The following SYTL3 variants were observed in gnomAD, a reference collection of about 807,000 sequenced individuals.
SYTL3 encodes the protein synaptotagmin-like protein 3.
SYTL3 carries 88 observed loss-of-function variants against 82.1 expected under a neutral mutation model. The ratio of observed to expected loss-of-function variants is 1.07; its 90% CI spans 0.90 to 1.28. SYTL3 has a LOEUF of 1.28. Ranked by LOEUF, SYTL3 falls within the 50% of genes most tolerant of loss-of-function variation. SYTL3 has a pLI of 0.00. For synonymous variants in SYTL3, 311 were observed against 289.4 expected (o/e 1.07, Z -0.76); for missense variants, 831 against 757.6 (o/e 1.10, Z -1.14).
At chr6:158,694,867 C>T (rs1039987039) in intron 6 of SYTL3, among the ~76,000 whole-genome samples, 3 of 152,112 alleles carry the variant, frequency 2.0e-5, no homozygotes, top group African/African-American at 4.8e-5. Context: ...CTTTAGGCAG[C>T]CTACTTCTTG....
At chr6:158,710,365 AC>A (rs1782619494) in intron 8 of SYTL3, among the ~76,000 whole-genome samples, 1 of 152,344 alleles carries the variant, frequency 6.6e-6, no homozygotes, top group Admixed American at 6.5e-5. Context: ...ATATACAGTC[AC>A]CCAAACAGCT....
chr6:158,716,972 A>C (rs756424027), intron 9 of SYTL3, among the ~76,000 whole-genome samples: 48 of 152,240 alleles, frequency 3.2e-4, no homozygotes, highest in Middle Eastern at 3.2e-3. Context: ...ATATTGTGTT[A>C]AACTAAATAT....
intron 12 of SYTL3, among the ~76,000 whole-genome samples, chr6:158,746,440 T>TATA (rs367907028): frequency 3.5e-4 from 51 of 145,604 alleles, no homozygotes; most frequent in East Asian, 3.3e-3. Flanking sequence ...GTAGCACCAT[T>TATA]ATAATAATAA....
At chr6:158,716,601 G>C (rs539752779) in intron 9 of SYTL3, among the ~76,000 whole-genome samples, 1 of 152,138 alleles carries the variant, frequency 6.6e-6, no homozygotes, top group African/African-American at 2.4e-5. Context: ...TATCAGAGGA[G>C]GCTAGGAGGC....
rs1789360675 is a variant in SYTL3, at chr6:158,757,941, TG to T, written c.1308+565del. Among the ~76,000 whole-genome samples, 7 of 151,982 alleles carry T rather than the reference TG, an allele frequency of 4.6e-5. No homozygotes were observed. The South Asian group carries it at 1.2e-3, about 27-fold the overall frequency. On this transcript the variant is annotated intron_variant, in intron 14 of 17. Coordinates refer to ENST00000611299, the MANE Select transcript of SYTL3 (RefSeq NM_001242394.2). ...GGCGGGAGATAGATAGCACGTGGGC[TG>T]GGGGTGGGTCAGAGGAGCTGATGGA...
At chr6:158,747,735 C>G (rs544961472) in intron 12 of SYTL3, among the ~76,000 whole-genome samples, 2 of 152,308 alleles carry the variant, frequency 1.3e-5, no homozygotes, top group Admixed American at 1.3e-4. Context: ...CATCCTCACA[C>G]CTCAGCCTCC....
upstream of SYTL3, among the ~76,000 whole-genome samples, chr6:158,648,901 C>T (rs1787695548): frequency 6.6e-6 from 1 of 152,164 alleles, no homozygotes; most frequent in Non-Finnish European, 1.5e-5. Flanking sequence ...AAGAGATTAG[C>T]TAAGAAGTGC....
chr6:158,687,464 A>T (rs940236196), intron 6 of SYTL3, among the ~76,000 whole-genome samples: 3 of 152,314 alleles, frequency 2.0e-5, no homozygotes, highest in Non-Finnish European at 4.4e-5. Context: ...TATGGGTCCC[A>T]CAGGTCAGCC....
intron 10 of SYTL3, among the ~76,000 whole-genome samples, chr6:158,719,588 C>T (rs1408161012): frequency 6.6e-6 from 1 of 152,206 alleles, no homozygotes; most frequent in Non-Finnish European, 1.5e-5. Context: ...TTCTATAACA[C>T]AAGTGTCAGC....
intron 11 of SYTL3, chr6:158,726,098 A>G (rs1428613657): frequency 2.3e-6 from 1 of 433,710 alleles, no homozygotes; most frequent in Non-Finnish European, 4.5e-6. Context: ...CCAGAATGTA[A>G]TAGTTATCAA....
chr6:158,728,037 C>T (rs1020798350), intron 11 of SYTL3, among the ~76,000 whole-genome samples: 5 of 152,086 alleles, frequency 3.3e-5, no homozygotes, highest in African/African-American at 9.7e-5. Context: ...TTATGATGAA[C>T]ATTTTCATAC....
In SYTL3 at chr6:158,760,739, C is replaced by G. The variant is rs769677902; in HGVS notation, c.1408C>G (p.Gln470Glu). ...PSRPRKLQEA[Q>E]EGTDQPSLHG... ...ACGGCCCAGAAAACTCCAAGAGGCTCAAGAAGGTCAGTGGCCTCCAGCTCC... is the reference window on the plus strand; with the variant it reads ...ACGGCCCAGAAAACTCCAAGAGGCTGAAGAAGGTCAGTGGCCTCCAGCTCC... The change falls in exon 15 of 18, where the codon CAA becomes GAA. Residue 470 changes from glutamine to glutamate, a missense_variant. Physicochemically the swap from Gln to Glu is conservative, Grantham distance 29. Coordinates refer to ENST00000611299, the MANE Select transcript of SYTL3 (RefSeq NM_001242394.2). 5 of 1,613,438 alleles carry G rather than the reference C, an allele frequency of 3.1e-6. No individual in the cohort carries two copies. Among genetic ancestry groups the G allele is most frequent in the African/African-American group, 2.7e-5 (2 of 75,028 alleles).
rs1275400582 is a variant in SYTL3, at chr6:158,757,247, C to CT, written c.1175dup (p.Gln393AlafsTer29). 5 of 1,612,102 alleles carry CT rather than the reference C, an allele frequency of 3.1e-6. No individual in the cohort carries two copies. Among genetic ancestry groups the CT allele is most frequent in the African/African-American group, 1.3e-5 (1 of 74,824 alleles). On this transcript the variant is annotated frameshift_variant, in exon 14 of 18. Transcript: ENST00000611299. LOFTEE classifies it high-confidence loss of function. ...CCCTGCCCAGCTGGTGACCCGGCAGCTGCAGGTCTCGGTGTGGCATCTGGG... is the reference window on the plus strand; with the variant it reads ...CCCTGCCCAGCTGGTGACCCGGCAGCTTGCAGGTCTCGGTGTGGCATCTGGG...
intron 11 of SYTL3, among the ~76,000 whole-genome samples, chr6:158,736,606 T>C (rs1252208993): frequency 1.3e-5 from 2 of 151,702 alleles, no homozygotes; most frequent in East Asian, 3.9e-4. Flanking sequence ...CTGACCAACA[T>C]GGTGAAACCC....
At position 158,708,393 on chromosome 6, in the gene SYTL3, T is replaced by C. The variant is rs1377697464; in HGVS notation, c.516+2T>C. On this transcript the variant is annotated splice_donor_variant, in intron 8 of 17. Coordinates refer to ENST00000611299, the MANE Select transcript of SYTL3 (RefSeq NM_001242394.2). LOFTEE classifies it high-confidence loss of function. ...CAGTGCAGCCGCAGTCCTGGCAGGG[T>C]AACGTATCCATTCTGGGCACTTCTC... 7 of 1,613,842 alleles carry C rather than the reference T, an allele frequency of 4.3e-6. No homozygotes were observed. In the East Asian group the frequency reaches 1.1e-4, roughly 26 times the overall value.
At chr6:158,701,473 A>AGTGTGAGCTGGGGTGTAGATGAAGGG (rs1562393907) in intron 6 of SYTL3, among the ~76,000 whole-genome samples, 1 of 118,434 alleles carries the variant, frequency 8.4e-6, no homozygotes, top group African/African-American at 3.1e-5. Context: ...TACATGAAGG[A>AGTGTGAGCTGGGGTGTAGATGAAGGG]CTGTCTGGGG....
intron 6 of SYTL3, among the ~76,000 whole-genome samples, chr6:158,686,223 C>CT (rs2128412922): frequency 1.3e-5 from 2 of 152,232 alleles, no homozygotes; most frequent in East Asian, 3.9e-4. Flanking sequence ...TCTTTCTTGC[C>CT]TTATAACTTT....
At chr6:158,694,743 T>C (rs1780383551) in intron 6 of SYTL3, among the ~76,000 whole-genome samples, 1 of 152,230 alleles carries the variant, frequency 6.6e-6, no homozygotes, top group Non-Finnish European at 1.5e-5. Flanking sequence ...ACTGGATGAC[T>C]GGAGTTTCCC....
At chr6:158,730,675 C>T (rs144578774) in intron 11 of SYTL3, among the ~76,000 whole-genome samples, 4 of 152,260 alleles carry the variant, frequency 2.6e-5, no homozygotes, top group East Asian at 3.9e-4. Context: ...TCACATACCA[C>T]GCGGGCCAGG....
Sources: allele counts gnomAD v4.1 joint callset (sites outside exome capture counted in the v4.1 genomes callset), GRCh38; gene constraint gnomAD v4.1.1; transcripts MANE v1.5; gene names NCBI Gene and HGNC (gene_info 2026-07-23, HGNC 2026-07-21).